Variants in RAD51B observed in about 807,000 individuals in gnomAD.
The protein encoded by RAD51B is DNA repair protein RAD51 homolog 2.
In RAD51B, 38 loss-of-function variants were observed where a neutral mutation model predicts 42.2. The observed-to-expected ratio is 0.90, with a 90% CI of 0.70 to 1.18. The LOEUF (loss-of-function observed/expected upper bound fraction) is 1.18, where lower values mean the gene tolerates loss of function less well. Among genes scored for constraint, RAD51B ranks in the 50% most tolerant of loss-of-function variants. RAD51B has a pLI of 0.00. For missense variants in RAD51B, 373 were observed against 400.7 expected (o/e 0.93, Z 0.59); for synonymous variants, 154 against 145.2 (o/e 1.06, Z -0.43).
intron 7 of RAD51B, among the ~76,000 whole-genome samples, chr14:68,207,961 A>G (rs998374670): frequency 6.6e-6 from 1 of 152,110 alleles, no homozygotes; most frequent in African/African-American, 2.4e-5. Context: ...TGTGTTCACT[A>G]AATATTATTT....
intron 7 of RAD51B, among the ~76,000 whole-genome samples, chr14:68,285,747 G>A (rs973751467): frequency 6.6e-6 from 1 of 152,122 alleles, no homozygotes; most frequent in African/African-American, 2.4e-5. Context: ...AGGTTGCTTC[G>A]TGAATCCTCT....
At chr14:68,545,431 A>G in intron 10 of RAD51B, 1 of 367,980 alleles carries the variant, frequency 2.7e-6, no homozygotes, top group Non-Finnish European at 5.4e-6. Flanking sequence ...AGTCAACTCC[A>G]CTGGCATGTT....
chr14:68,290,968 G>A (rs1014345658), intron 7 of RAD51B, among the ~76,000 whole-genome samples: 1 of 151,540 alleles, frequency 6.6e-6, no homozygotes, highest in Non-Finnish European at 1.5e-5. Context: ...TACTATGCCC[G>A]GCTAATTTTT....
chr14:68,212,706 A>G lies in RAD51B; in HGVS notation c.757-79178A>G, dbSNP rs534910007. Among the ~76,000 whole-genome samples the G allele has an allele frequency of 1.6e-4, 25 of 152,356 alleles. No homozygotes were observed. The South Asian group carries it at 5.0e-3, about 30-fold the overall frequency. ...TGGAGTGAAGAAGAAGACATGTTCC[A>G]GAATGCACAGGACATTGATCTTCAG... On this transcript the variant is annotated intron_variant, in intron 7 of 10. Coordinates refer to ENST00000471583, the MANE Select transcript of RAD51B (RefSeq NM_133510.4).
chr14:68,593,396 T>C lies in RAD51B; in HGVS notation c.1037-1089T>C, dbSNP rs1000749152. On this transcript the variant is annotated intron_variant, in intron 10 of 10. Transcript: ENST00000487270. Reference sequence around the variant, plus strand: ...TCAAGCTCTCGCCAGCCGATGATCATTGGGCCCTTTGATGCTGAGTGGGCA... The same window carrying C: ...TCAAGCTCTCGCCAGCCGATGATCACTGGGCCCTTTGATGCTGAGTGGGCA... 6.6e-5 allele frequency among the ~76,000 whole-genome samples: 10 copies of C among 152,284 alleles called. No individual in the cohort carries two copies. In the East Asian group the frequency reaches 7.7e-4, roughly 12 times the overall value.
chr14:68,506,704 T>G (rs1198648571), intron 10 of RAD51B, among the ~76,000 whole-genome samples: 7 of 151,074 alleles, frequency 4.6e-5, no homozygotes, highest in African/African-American at 1.7e-4. Flanking sequence ...GAAAGGCGGG[T>G]GGGGGGGACA....
chr14:68,336,070 G>T (rs1385301348), intron 8 of RAD51B, among the ~76,000 whole-genome samples: 1 of 152,172 alleles, frequency 6.6e-6, no homozygotes, highest in Admixed American at 6.5e-5. Flanking sequence ...AATTGTAAAA[G>T]TAACAATAAT....
chr14:68,518,309 C>T (rs1218998445), intron 10 of RAD51B, among the ~76,000 whole-genome samples: 1 of 152,206 alleles, frequency 6.6e-6, no homozygotes, highest in Non-Finnish European at 1.5e-5. Flanking sequence ...GCTTGCACCC[C>T]ACACCTGACT....
intron 7 of RAD51B, among the ~76,000 whole-genome samples, chr14:68,185,975 G>T (rs901244821): frequency 1.2e-4 from 18 of 152,118 alleles, no homozygotes; most frequent in Non-Finnish European, 1.9e-4. Flanking sequence ...GTATAAGGCT[G>T]CAGTAAGCAA....
chr14:68,080,087 A>G lies in RAD51B; in HGVS notation c.756+192883A>G, dbSNP rs1368382935. ...GAAAAATGGAGTATGACATCAGGAC[A>G]CTTAGCCTTAGTGTTCTTACTCATT... is the stretch of plus-strand genomic sequence containing the variant. On this transcript the variant is annotated intron_variant, in intron 7 of 10. Coordinates refer to ENST00000471583, the MANE Select transcript of RAD51B (RefSeq NM_133510.4). Among the ~76,000 whole-genome samples the G allele has an allele frequency of 3.3e-5, 5 of 152,352 alleles. No individual in the cohort carries two copies. In the South Asian group the frequency reaches 1.0e-3, roughly 32 times the overall value.
At chr14:68,143,003 C>T (rs749723498) in intron 7 of RAD51B, among the ~76,000 whole-genome samples, 36 of 134,520 alleles carry the variant, frequency 2.7e-4, no homozygotes, top group Admixed American at 2.2e-3. Context: ...AAAAAAAAGG[C>T]GCGGAGGGCG....
At chr14:68,016,985 CAT>C (rs1467945108) in intron 7 of RAD51B, among the ~76,000 whole-genome samples, 2 of 152,084 alleles carry the variant, frequency 1.3e-5, no homozygotes, top group African/African-American at 4.8e-5. Flanking sequence ...AAAATATAGA[CAT>C]ATGCTAATGG....
intron 11 of RAD51B, among the ~76,000 whole-genome samples, chr14:68,663,932 T>C (rs1178596640): frequency 6.6e-6 from 1 of 152,246 alleles, no homozygotes; most frequent in Non-Finnish European, 1.5e-5. Context: ...AAATTTAGCA[T>C]CAGGTGCATT....
At chr14:68,073,035 T>A (rs948139985) in intron 7 of RAD51B, among the ~76,000 whole-genome samples, 1 of 152,204 alleles carries the variant, frequency 6.6e-6, no homozygotes, top group African/African-American at 2.4e-5. Context: ...GTTCTTTAGA[T>A]GTATGTTTAG....
intron 7 of RAD51B, among the ~76,000 whole-genome samples, chr14:67,965,044 C>G: frequency 6.6e-6 from 1 of 152,186 alleles, no homozygotes; most frequent in East Asian, 1.9e-4. Context: ...GGTATTGCAG[C>G]AGGTGCAGCA....
chr14:68,656,701 G>A (rs182460802), intron 11 of RAD51B, among the ~76,000 whole-genome samples: 232 of 152,258 alleles, frequency 1.5e-3, no homozygotes, highest in Non-Finnish European at 2.6e-3. Context: ...GGGTGACTGA[G>A]TTAGGCCCCC....
rs895156598 is a variant in RAD51B at position 68,470,856 on chromosome 14, C to T, written c.1036+2606C>T. On this transcript the variant is annotated intron_variant, in intron 10 of 10. Coordinates refer to ENST00000471583, the MANE Select transcript of RAD51B (RefSeq NM_133510.4). ...TGTCACATCAGCTTTGTCCGATCCT[C>T]CTAGGAGAGGATGTACTCATCATTC... is the stretch of plus-strand genomic sequence containing the variant. 5 of 365,976 alleles carry T rather than the reference C, an allele frequency of 1.4e-5. No homozygotes were observed. The East Asian group carries it at 1.8e-4, about 14-fold the overall frequency. The allele number at this position is 365,976 out of a possible 1,614,324, so 22.7% of individuals were successfully genotyped here.
chr14:67,857,510 C>T (rs1187161324), intron 4 of RAD51B, among the ~76,000 whole-genome samples: 1 of 152,170 alleles, frequency 6.6e-6, no homozygotes, highest in African/African-American at 2.4e-5. Flanking sequence ...TAATACTTTA[C>T]ATTTTCAAGG....
intron 7 of RAD51B, among the ~76,000 whole-genome samples, chr14:68,064,215 T>C (rs1212944892): frequency 6.6e-6 from 1 of 152,240 alleles, no homozygotes; most frequent in African/African-American, 2.4e-5. Context: ...AGAATAGCTT[T>C]GATCGGTATA....
Sources: allele counts gnomAD v4.1 joint callset (sites outside exome capture counted in the v4.1 genomes callset), GRCh38; gene constraint gnomAD v4.1.1; transcripts MANE v1.5; gene names NCBI Gene and HGNC (gene_info 2026-07-23, HGNC 2026-07-21).